GRIK2: variants seen among roughly 807,000 people sequenced by gnomAD.
The protein encoded by GRIK2 is glutamate ionotropic receptor kainate type subunit 2, also known as glutamate receptor ionotropic, kainate 2.
GRIK2 carries 32 observed loss-of-function variants against 100.3 expected under a neutral mutation model. The observed-to-expected ratio is 0.32, with a 90% CI of 0.24 to 0.43. The LOEUF is 0.43. Ranked by LOEUF, GRIK2 falls within the 20% of genes least tolerant of loss-of-function variation. The probability of loss-of-function intolerance (pLI) is 1.00; values close to 1 mark genes in which losing one functional copy is unlikely to be tolerated. For synonymous variants in GRIK2, 417 were observed against 389.4 expected (o/e 1.07, Z -0.83); for missense variants, 843 against 1,114.9 (o/e 0.76, Z 3.47).
intron 2 of GRIK2, among the ~76,000 whole-genome samples, chr6:101,601,887 G>T (rs1034688113): frequency 6.6e-6 from 1 of 151,464 alleles, no homozygotes; most frequent in African/African-American, 2.4e-5. Context: ...CCAAATTTTA[G>T]TTTTATTGAT....
chr6:101,625,402 A>ATAAC (rs1275486141), intron 3 of GRIK2, among the ~76,000 whole-genome samples: 101 of 151,128 alleles, frequency 6.7e-4, no homozygotes, highest in African/African-American at 2.3e-3. Context: ...AAATAAATAA[A>ATAAC]TAAATAAATA....
chr6:101,754,608 A>G (rs1025078061), intron 7 of GRIK2, among the ~76,000 whole-genome samples: 2 of 152,224 alleles, frequency 1.3e-5, no homozygotes, highest in Non-Finnish European at 1.5e-5. Flanking sequence ...AGGGAAATAG[A>G]CACACATGCA....
intron 15 of GRIK2, among the ~76,000 whole-genome samples, chr6:102,051,262 TTCCTTCCTTCCTTCCTTCCTTCC>T (rs1562140308): frequency 2.3e-4 from 29 of 125,654 alleles, no homozygotes; most frequent in African/African-American, 7.9e-4. Flanking sequence ...CCTTCCTTCC[TTCCTTCCTTCCTTCCTTCCTTCC>T]TTCCTTCCTT....
rs1369277938 is a variant in GRIK2, at chr6:101,399,047, C to G, written c.-231C>G. 1 of 475,360 alleles carries G rather than the reference C, an allele frequency of 2.1e-6. No homozygotes were observed. Among genetic ancestry groups the G allele is most frequent in the Admixed American group, 3.9e-5 (1 of 25,756 alleles). 29.4% of individuals were successfully genotyped at this position (475,360 alleles called of 1,614,324 possible). The stretch of plus-strand genomic sequence containing the variant: ...TTTCTCCCGGATGCTCTCCGACTAA[C>G]ATGGATGTCCCACCATTCCTTGCAG... On this transcript the variant is annotated 5_prime_UTR_variant, in exon 2 of 17. Transcript: ENST00000369134.
At chr6:101,769,502 A>G (rs1332264175) in intron 7 of GRIK2, among the ~76,000 whole-genome samples, 1 of 152,180 alleles carries the variant, frequency 6.6e-6, no homozygotes, top group Non-Finnish European at 1.5e-5. Flanking sequence ...GCTGAGCTTC[A>G]TTGGACATAC....
At chr6:101,503,631 A>T (rs528322080) in intron 2 of GRIK2, among the ~76,000 whole-genome samples, 1 of 152,202 alleles carries the variant, frequency 6.6e-6, no homozygotes, top group South Asian at 2.1e-4. Context: ...GATGGTCAAA[A>T]GGGGTAACTT....
intron 9 of GRIK2, among the ~76,000 whole-genome samples, chr6:101,809,864 T>C (rs965622692): frequency 3.9e-5 from 6 of 151,978 alleles, no homozygotes; most frequent in Admixed American, 3.3e-4. Context: ...TCAGTGTGTA[T>C]AGTTATTATT....
chr6:101,889,606 T>C, intron 11 of GRIK2, 34 bp from the exon 12 acceptor site: 1 of 209,520 alleles, frequency 4.8e-6, no homozygotes. Flanking sequence ...TCTTTCTTTC[T>C]TTTTTTTTTT....
At chr6:101,703,402 T>A (rs1773030741) in intron 7 of GRIK2, among the ~76,000 whole-genome samples, 1 of 151,850 alleles carries the variant, frequency 6.6e-6, no homozygotes, top group Admixed American at 6.6e-5. Context: ...CATGGTCAAT[T>A]GTGTCAAATC....
chr6:101,731,571 G>C (rs2128371433), intron 7 of GRIK2, among the ~76,000 whole-genome samples: 1 of 151,984 alleles, frequency 6.6e-6, no homozygotes, highest in African/African-American at 2.4e-5. Flanking sequence ...GCACAGAATA[G>C]ATAATAGTGT....
At chr6:102,005,277 GA>G in intron 14 of GRIK2, among the ~76,000 whole-genome samples, 1 of 151,784 alleles carries the variant, frequency 6.6e-6, no homozygotes, top group Non-Finnish European at 1.5e-5. Flanking sequence ...CTCTGTGAAA[GA>G]AGTTCTTTAA....
chr6:101,631,752 C>T (rs1005291077), intron 4 of GRIK2, among the ~76,000 whole-genome samples: 33 of 152,090 alleles, frequency 2.2e-4, no homozygotes, highest in African/African-American at 7.7e-4. Flanking sequence ...CCTACCACTT[C>T]TTAGGTCAAA....
intron 14 of GRIK2, among the ~76,000 whole-genome samples, chr6:101,952,862 A>G (rs189874238): frequency 6.6e-4 from 100 of 152,296 alleles, no homozygotes; most frequent in Admixed American, 3.3e-3. Context: ...TCGGCCTCCC[A>G]AAGTGTCACC....
Position 101,762,126 on chromosome 6 carries a change from TTTC to T in GRIK2, c.952-37521_952-37519del, listed in dbSNP as rs1777751522. Among the ~76,000 whole-genome samples the T allele has an allele frequency of 3.2e-4, 45 of 140,392 alleles. 1 individual carries two copies. The highest frequency in any genetic ancestry group is 1.2e-3 in the African/African-American group (44 of 35,540). The allele number at this position is 140,392 out of a possible 152,430, so 92.1% of individuals were successfully genotyped here. ...TTCCTTTCCTTCCTTCCTCCCTTCC[TTTC>T]CTTCCTCCCTCCCTTCCTCTTCCTC... On this transcript the variant is annotated intron_variant, in intron 7 of 16. Coordinates refer to ENST00000369134, the MANE Select transcript of GRIK2 (RefSeq NM_021956.5).
chr6:101,623,058 C>A (rs998555089), intron 3 of GRIK2, among the ~76,000 whole-genome samples: 4 of 152,090 alleles, frequency 2.6e-5, no homozygotes, highest in African/African-American at 9.6e-5. Context: ...TTTGTTCTAA[C>A]ATTATATTTT....
At chr6:101,600,872 C>G (rs1779180103) in intron 2 of GRIK2, among the ~76,000 whole-genome samples, 1 of 151,770 alleles carries the variant, frequency 6.6e-6, no homozygotes, top group Non-Finnish European at 1.5e-5. Context: ...TTGATTTCTT[C>G]TTTTCTGATT....
chr6:102,064,442 A>G (rs188875633), intron 16 of GRIK2, among the ~76,000 whole-genome samples: 10 of 101,322 alleles, frequency 9.9e-5, no homozygotes, highest in Non-Finnish European at 1.8e-4. Context: ...TTCTCTGTCC[A>G]TCTTTCTTTC....
chr6:101,997,515 A>G (rs1217751249), intron 14 of GRIK2, among the ~76,000 whole-genome samples: 2 of 152,098 alleles, frequency 1.3e-5, no homozygotes, highest in African/African-American at 4.8e-5. Context: ...TTTATACAGT[A>G]CCTGCTCATC....
intron 4 of GRIK2, among the ~76,000 whole-genome samples, chr6:101,665,730 G>T (rs1046897538): frequency 6.6e-6 from 1 of 152,200 alleles, no homozygotes; most frequent in Non-Finnish European, 1.5e-5. Flanking sequence ...GTTAGAAGAG[G>T]TAAGAGTTGG....
Sources: gnomAD v4.1 joint callset for allele counts (sites outside exome capture counted in the v4.1 genomes callset) on GRCh38, gnomAD v4.1.1 for gene constraint, MANE v1.5 for transcripts, NCBI Gene and HGNC (gene_info 2026-07-23, HGNC 2026-07-21) for gene names.